The following AUTS2 variants were observed in gnomAD, a reference collection of about 807,000 sequenced individuals.
The protein encoded by AUTS2 is autism susceptibility gene 2 protein.
A neutral mutation model predicts 112.4 loss-of-function variants in AUTS2; 17 were observed. The ratio of observed to expected loss-of-function variants is 0.15; its 90% CI spans 0.10 to 0.23. The LOEUF (loss-of-function observed/expected upper bound fraction) is 0.23. Among genes scored for constraint, AUTS2 ranks in the 10% least tolerant of loss-of-function variants. AUTS2 has a pLI of 1.00. For missense variants in AUTS2, 1,510 were observed against 1,701.6 expected (o/e 0.89, Z 1.98); for synonymous variants, 751 against 702.7 (o/e 1.07, Z -1.09).
At chr7:70,257,422 A>T (rs555314565) in intron 4 of AUTS2, among the ~76,000 whole-genome samples, 1 of 152,202 alleles carries the variant, frequency 6.6e-6, no homozygotes, top group African/African-American at 2.4e-5. Flanking sequence ...GGTTCAAGCC[A>T]TTTTCCCACC....
At chr7:70,208,611 G>T (rs766856705) in intron 4 of AUTS2, among the ~76,000 whole-genome samples, 7 of 152,020 alleles carry the variant, frequency 4.6e-5, no homozygotes, top group Non-Finnish European at 8.8e-5. Flanking sequence ...TGTCAAAGAC[G>T]TAACATTCCA....
At chr7:70,624,431 C>T (rs1010217767) in intron 5 of AUTS2, among the ~76,000 whole-genome samples, 4 of 152,150 alleles carry the variant, frequency 2.6e-5, no homozygotes, top group Non-Finnish European at 4.4e-5. Flanking sequence ...TTTTAATAAC[C>T]TTATTGTGTA....
chr7:70,774,134 C>A, intron 12 of AUTS2, 35 bp downstream of exon 12: 5 of 1,602,460 alleles, frequency 3.1e-6, no homozygotes, highest in Non-Finnish European at 4.3e-6. Context: ...TCAGGTAACA[C>A]CAGGGTGTGT....
chr7:70,043,017 TAA>T (rs71978854), intron 2 of AUTS2, among the ~76,000 whole-genome samples: 50 of 127,396 alleles, frequency 3.9e-4, no homozygotes, highest in African/African-American at 7.5e-4. Flanking sequence ...GCACACTCAC[TAA>T]AAAAAAAAAA....
chr7:69,801,132 G>A (rs1790062938), intron 1 of AUTS2, among the ~76,000 whole-genome samples: 2 of 151,436 alleles, frequency 1.3e-5, no homozygotes, highest in South Asian at 4.2e-4. Context: ...TAGGCATAAG[G>A]TATGGGACAT....
At chr7:70,663,702 G>A (rs1021224484) in intron 5 of AUTS2, among the ~76,000 whole-genome samples, 6 of 152,084 alleles carry the variant, frequency 3.9e-5, no homozygotes, top group African/African-American at 7.2e-5. Flanking sequence ...CTAGTGAAAG[G>A]CAGGGGTGGC....
rs553591597 is a variant in AUTS2, at chr7:70,491,679, A to G, written c.690+55898A>G. ...GTCCAGGCTAGAGTGCAGTGGCGCA[A>G]TCTCAGCTCACTGCAACCTCTGCCT... On this transcript the variant is annotated intron_variant, in intron 5 of 18. Transcript: ENST00000342771. 4.0e-5 allele frequency among the ~76,000 whole-genome samples: 6 copies of G among 149,746 alleles called. No homozygotes were observed. In the South Asian group the frequency reaches 1.3e-3, roughly 32 times the overall value.
chr7:69,646,903 G>A (rs929484682), intron 1 of AUTS2, among the ~76,000 whole-genome samples: 6 of 152,132 alleles, frequency 3.9e-5, no homozygotes. Context: ...TGGCTAACAC[G>A]GTGAAACCCC....
chr7:70,706,897 G>T (rs970104385), intron 6 of AUTS2, among the ~76,000 whole-genome samples: 1 of 152,194 alleles, frequency 6.6e-6, no homozygotes, highest in African/African-American at 2.4e-5. Flanking sequence ...CGTTGTCATG[G>T]TTACCTTGAA....
At chr7:70,695,540 T>C (rs765226641) in intron 5 of AUTS2, among the ~76,000 whole-genome samples, 2 of 152,102 alleles carry the variant, frequency 1.3e-5, no homozygotes, top group Non-Finnish European at 2.9e-5. Context: ...GTTTCTGTTT[T>C]GTTGTTCGAA....
At chr7:70,164,754 TACCCATTTC>T (rs1244238639) in intron 4 of AUTS2, among the ~76,000 whole-genome samples, 1 of 152,140 alleles carries the variant, frequency 6.6e-6, no homozygotes, top group Non-Finnish European at 1.5e-5. Context: ...AAGAAGTAGT[TACCCATTTC>T]CAGGTAGAAA....
At chr7:70,645,827 C>T (rs927651441) in intron 5 of AUTS2, among the ~76,000 whole-genome samples, 4 of 152,196 alleles carry the variant, frequency 2.6e-5, no homozygotes, top group Non-Finnish European at 5.9e-5. Context: ...CTCCATCACA[C>T]CTTCTGTATA....
At chr7:69,835,272 TA>T (rs1791671399) in intron 1 of AUTS2, among the ~76,000 whole-genome samples, 1 of 151,960 alleles carries the variant, frequency 6.6e-6, no homozygotes, top group Admixed American at 6.6e-5. Flanking sequence ...AAAGGAGAAT[TA>T]AAATAATGTC....
At chr7:70,555,897 C>G (rs917514195) in intron 5 of AUTS2, among the ~76,000 whole-genome samples, 1 of 151,698 alleles carries the variant, frequency 6.6e-6, no homozygotes, top group Non-Finnish European at 1.5e-5. Flanking sequence ...CTCTGCCTCC[C>G]GGGTTCATGC....
chr7:70,255,064 T>G (rs868294930), intron 4 of AUTS2, among the ~76,000 whole-genome samples: 5 of 146,448 alleles, frequency 3.4e-5, no homozygotes, highest in South Asian at 4.4e-4. Context: ...GTTCTGGACC[T>G]CAAAATTACC....
At chr7:69,827,245 T>A (rs1791289574) in intron 1 of AUTS2, among the ~76,000 whole-genome samples, 1 of 152,110 alleles carries the variant, frequency 6.6e-6, no homozygotes, top group Non-Finnish European at 1.5e-5. Context: ...TCTTTTTGCT[T>A]CCTTGCCCCC....
chr7:70,544,528 C>T (rs1313836850), intron 5 of AUTS2, among the ~76,000 whole-genome samples: 2 of 152,130 alleles, frequency 1.3e-5, no homozygotes, highest in Admixed American at 6.5e-5. Context: ...TCACTTTGCC[C>T]CACCAACCTT....
rs1804869327 is a variant in AUTS2, at chr7:70,625,109, ACTTTCC to A, written c.691-73455_691-73450del. 4.6e-5 allele frequency among the ~76,000 whole-genome samples: 7 copies of A among 152,118 alleles called. 1 individual carries two copies. In the South Asian group the frequency reaches 1.5e-3, roughly 32 times the overall value. ...CATCTTTCACGTTCTAGGACTCTGG[ACTTTCC>A]CTTTACAGCACTCACCACAGTAGCA... On this transcript the variant is annotated intron_variant, in intron 5 of 18. Coordinates refer to ENST00000342771, the MANE Select transcript of AUTS2 (RefSeq NM_015570.4).
At chr7:69,793,445 T>A (rs1789707078) in intron 1 of AUTS2, among the ~76,000 whole-genome samples, 1 of 152,210 alleles carries the variant, frequency 6.6e-6, no homozygotes, top group South Asian at 2.1e-4. Flanking sequence ...TTTCTAATGA[T>A]GTAGACAGTC....
Sources: gnomAD v4.1 joint callset for allele counts (sites outside exome capture counted in the v4.1 genomes callset) on GRCh38, gnomAD v4.1.1 for gene constraint, MANE v1.5 for transcripts, NCBI Gene and HGNC (gene_info 2026-07-23, HGNC 2026-07-21) for gene names.